The following TRIM9 variants were observed in gnomAD, a reference collection of about 807,000 sequenced individuals.
TRIM9 encodes tripartite motif containing 9, also known as E3 ubiquitin-protein ligase TRIM9.
TRIM9 carries 26 observed loss-of-function variants against 78.3 expected under a neutral mutation model. The ratio of observed to expected loss-of-function variants is 0.33; its 90% CI spans 0.24 to 0.46. TRIM9 has a LOEUF of 0.46. TRIM9 is among the 20% of genes least tolerant of loss of function. The pLI is 1.00. For synonymous variants in TRIM9, 398 were observed against 416.5 expected, an observed-to-expected ratio of 0.96 and a Z score of 0.54; for missense variants, 787 against 1,036.4, an observed-to-expected ratio of 0.76 and a Z score of 3.30.
At chr14:51,014,903 G>A (rs2056990040) in intron 3 of TRIM9, among the ~76,000 whole-genome samples, 1 of 152,150 alleles carries the variant, frequency 6.6e-6, no homozygotes, top group Non-Finnish European at 1.5e-5. Flanking sequence ...GACAGGGCAA[G>A]TTGCAGGAAG....
intron 1 of TRIM9, among the ~76,000 whole-genome samples, chr14:51,075,749 C>T (rs1351973239): frequency 6.6e-6 from 1 of 152,168 alleles, no homozygotes; most frequent in African/African-American, 2.4e-5. Context: ...CTCAAAACTT[C>T]CCAAGGCGGG....
At chr14:51,073,982 T>C (rs924906107) in intron 1 of TRIM9, among the ~76,000 whole-genome samples, 2 of 152,168 alleles carry the variant, frequency 1.3e-5, no homozygotes, top group African/African-American at 4.8e-5. Flanking sequence ...CTCAGGTAGG[T>C]AGCCTGAAGG....
At chr14:51,052,431 T>C (rs1455619461) in intron 1 of TRIM9, among the ~76,000 whole-genome samples, 2 of 152,206 alleles carry the variant, frequency 1.3e-5, no homozygotes, top group African/African-American at 4.8e-5. Context: ...GGAATTAAAT[T>C]TGATTATCAA....
chr14:50,997,679 C>A (rs560370585), intron 7 of TRIM9: 1 of 1,125,136 alleles, frequency 8.9e-7, no homozygotes, highest in South Asian at 3.2e-5. Flanking sequence ...CTGGGCAAAA[C>A]TGGCACATGA....
Position 51,094,857 on chromosome 14 carries a change from T to C in TRIM9, c.83A>G (p.Asn28Ser), listed in dbSNP as rs901580440. Reference sequence around the variant, plus strand: ...GTTGCGGGCGCACGCCTGACACAAATTGTGAGAGCAGGGCAGGATGATGGG... The same window carrying C: ...GTTGCGGGCGCACGCCTGACACAAACTGTGAGAGCAGGGCAGGATGATGGG... ...REPIILPCSH[N>S]LCQACARNIL... The change falls in exon 1 of 13, where the codon AAT becomes AGT. Residue 28 changes from asparagine to serine, a missense_variant. By Grantham distance (46) the Asn-to-Ser change is conservative. This residue lies in a region of TRIM9 where 352 missense variants were observed against 472.3 expected (regional missense o/e 0.75). Coordinates refer to ENST00000684578, the MANE Select transcript of TRIM9 (RefSeq NM_001387360.1). The C allele has an allele frequency of 4.6e-6, 7 of 1,532,680 alleles. No individual in the cohort carries two copies. The highest frequency in any genetic ancestry group is 2.8e-5 in the African/African-American group (2 of 71,900). The allele number at this position is 1,532,680 out of a possible 1,614,324, so 94.9% of individuals were successfully genotyped here.
chr14:51,001,982 A>G (rs1229349140), intron 5 of TRIM9, among the ~76,000 whole-genome samples: 1 of 152,170 alleles, frequency 6.6e-6, no homozygotes, highest in East Asian at 1.9e-4. Context: ...TTATACTGTG[A>G]CTCTTTTCTA....
intron 2 of TRIM9, among the ~76,000 whole-genome samples, chr14:51,023,329 G>T (rs558239979): frequency 2.0e-5 from 3 of 152,124 alleles, no homozygotes; most frequent in Non-Finnish European, 4.4e-5. Flanking sequence ...GAGGGAGTGG[G>T]GCATTGCTGA....
chr14:50,982,992 G>A (rs1439567055), intron 9 of TRIM9, 27 bp from the exon 10 acceptor site: 5 of 1,546,844 alleles, frequency 3.2e-6, no homozygotes, highest in Non-Finnish European at 4.4e-6. Context: ...TGAAAGGCAT[G>A]GGGGAGAGAG....
At chr14:50,980,840 C>T (rs1002854588) in intron 11 of TRIM9, among the ~76,000 whole-genome samples, 2 of 152,152 alleles carry the variant, frequency 1.3e-5, no homozygotes, top group African/African-American at 4.8e-5. Flanking sequence ...AGAAGCTATC[C>T]AAGGGAAAAG....
chr14:51,068,374 A>ACCACATTCCTGG (rs2061932798), intron 1 of TRIM9, among the ~76,000 whole-genome samples: 2 of 152,230 alleles, frequency 1.3e-5, no homozygotes, highest in African/African-American at 4.8e-5. Flanking sequence ...CCAAATCAAT[A>ACCACATTCCTGG]TATGTGAAGT....
At chr14:51,031,706 C>G (rs903955799) in intron 1 of TRIM9, among the ~76,000 whole-genome samples, 3 of 152,012 alleles carry the variant, frequency 2.0e-5, no homozygotes, top group African/African-American at 7.2e-5. Flanking sequence ...TAAAATCTTT[C>G]CTTACCACTT....
rs1194509161 is a variant in TRIM9, at chr14:50,998,054, A to G, written c.1599T>C (p.Ser533=). The G allele has an allele frequency of 6.2e-7, 1 of 1,614,072 alleles. No individual in the cohort carries two copies. Among genetic ancestry groups the G allele is most frequent in the Non-Finnish European group, 8.5e-7 (1 of 1,180,042 alleles). ...PYSKTLVLQT[S]EDTDSEEQTL... ...GATACTGCTGAAGGGCCTTACCCTC[A>G]GACGTTTGGAGGACCAGGGTCTTGC... The change falls in exon 7 of 13, where the codon TCT becomes TCC. Residue 533 remains serine, a synonymous_variant. Coordinates refer to ENST00000684578, the MANE Select transcript of TRIM9 (RefSeq NM_001387360.1).
In TRIM9 at chr14:51,025,136, GAAC is replaced by G. The variant is rs537315968; in HGVS notation, c.918+126_918+128del. 2.0e-4 allele frequency: 167 copies of G among 835,620 alleles called. No homozygotes were observed. In the African/African-American group the frequency reaches 2.1e-3, roughly 10 times the overall value. The allele number at this position is 835,620 out of a possible 1,614,324, so 51.8% of individuals were successfully genotyped here. Reference sequence around the variant, plus strand: ...TGATCTCTATGTGTTTGTATGTAAAGAACAACAACAACCACAAAATAGGAATTT... The same window carrying G: ...TGATCTCTATGTGTTTGTATGTAAAGAACAACAACCACAAAATAGGAATTT... On this transcript the variant is annotated intron_variant, in intron 2 of 12. Coordinates refer to ENST00000684578, the MANE Select transcript of TRIM9 (RefSeq NM_001387360.1).
In TRIM9 at chr14:51,051,784, T is replaced by C. The variant is rs535512771; in HGVS notation, c.823-26424A>G. The stretch of plus-strand genomic sequence containing the variant: ...GAGTTCAAGGCCAGCCTGGCCAACA[T>C]AGTGAAACCCCATCTCTACTAAAAA... On this transcript the variant is annotated intron_variant, in intron 1 of 12. Transcript: ENST00000684578. Among the ~76,000 whole-genome samples the C allele has an allele frequency of 1.4e-4, 21 of 151,990 alleles. No individual in the cohort carries two copies. In the South Asian group the frequency reaches 4.1e-3, roughly 30 times the overall value.
At chr14:50,981,750 C>A in intron 11 of TRIM9, 50 bp downstream of exon 11, 1 of 1,607,294 alleles carries the variant, frequency 6.2e-7, no homozygotes, top group Non-Finnish European at 8.5e-7. Context: ...GCTCTCACTC[C>A]TGATCAGAAG....
At chr14:51,070,254 G>A (rs2062101191) in intron 1 of TRIM9, among the ~76,000 whole-genome samples, 1 of 152,170 alleles carries the variant, frequency 6.6e-6, no homozygotes, top group Non-Finnish European at 1.5e-5. Context: ...ATAGTGCGAT[G>A]GCTGTGAGTT....
chr14:51,076,620 G>T (rs965158584), intron 1 of TRIM9, among the ~76,000 whole-genome samples: 3 of 152,250 alleles, frequency 2.0e-5, no homozygotes, highest in Non-Finnish European at 4.4e-5. Context: ...GAAATTACTA[G>T]CGCCATTTAA....
Position 51,000,787 on chromosome 14 carries a change from G to C in TRIM9, c.1360C>G (p.His454Asp). The C allele has an allele frequency of 6.2e-7, 1 of 1,614,182 alleles. No homozygotes were observed. Among genetic ancestry groups the C allele is most frequent in the East Asian group, 2.2e-5 (1 of 44,888 alleles). ...CAGGACAACGTAGCGCTGTTGTTGT[G>C]GGTACAACATTCCTCCAGCTGTAGG... ...PILQLEECCT[H>D]NNSATLSWKQ... The change falls in exon 6 of 13, where the codon CAC (histidine) becomes GAC (aspartate). Residue 454 changes from histidine to aspartate, a missense_variant. Physicochemically the swap from His to Asp is moderately conservative, Grantham distance 81. This residue lies in a region of TRIM9 where 421 missense variants were observed against 514.3 expected (regional missense o/e 0.82). Transcript: ENST00000684578.
At chr14:50,999,271 A>C (rs895264669) in intron 6 of TRIM9, among the ~76,000 whole-genome samples, 1 of 152,096 alleles carries the variant, frequency 6.6e-6, no homozygotes, top group African/African-American at 2.4e-5. Flanking sequence ...AAAAAAAGAT[A>C]ATAAAGGGAA....
Sources: allele counts gnomAD v4.1 joint callset (sites outside exome capture counted in the v4.1 genomes callset), GRCh38; gene constraint gnomAD v4.1.1; regional missense constraint gnomAD v4.1.1; transcripts MANE v1.5; gene names NCBI Gene and HGNC (gene_info 2026-07-23, HGNC 2026-07-21).